SMG7: variants seen among roughly 807,000 people sequenced by gnomAD.
SMG7 encodes the protein SMG7 nonsense mediated mRNA decay factor.
A neutral mutation model predicts 148.2 loss-of-function variants in SMG7; 34 were observed. The ratio of observed to expected loss-of-function variants is 0.23; its 90% CI spans 0.17 to 0.31. SMG7 has a LOEUF of 0.31. Among genes scored for constraint, SMG7 ranks in the 10% least tolerant of loss-of-function variants. SMG7 has a pLI of 1.00. For missense variants in SMG7, 1,114 were observed against 1,408.4 expected, an observed-to-expected ratio of 0.79 and a Z score of 3.35; for synonymous variants, 492 against 515.1, an observed-to-expected ratio of 0.96 and a Z score of 0.61.
At position 183,550,786 on chromosome 1, in the gene SMG7, T is replaced by G. The variant is rs1470613020; in HGVS notation, c.3169T>G (p.Ser1057Ala). ...STPASQSPHSSNPSSLPSSPP... is the reference protein window; with the variant it reads ...STPASQSPHSANPSSLPSSPP... ...ACCAGCCAGCCAGTCTCCTCATTCC[T>G]CTAACCCAAGCAGCCTACCCAGCTC... The change falls in exon 21 of 23, where the codon TCT becomes GCT. Residue 1057 changes from serine to alanine, a missense_variant. Transcript: ENST00000688051. The G allele has an allele frequency of 6.2e-7, 1 of 1,614,132 alleles. No homozygotes were observed. Among genetic ancestry groups the G allele is most frequent in the East Asian group, 2.2e-5 (1 of 44,876 alleles).
intron 12 of SMG7, 98 bp from the exon 13 acceptor site, chr1:183,540,886 G>A: frequency 9.0e-7 from 1 of 1,109,852 alleles, no homozygotes; most frequent in Non-Finnish European, 1.3e-6. Flanking sequence ...TATGTGGGAA[G>A]TAATCTGAAG....
intron 4 of SMG7, among the ~76,000 whole-genome samples, chr1:183,524,673 T>A (rs1665465876): frequency 6.6e-6 from 1 of 152,206 alleles, no homozygotes; most frequent in Non-Finnish European, 1.5e-5. Context: ...ATATTTCTAA[T>A]TCTATAACCT....
rs1233422117 is a variant in SMG7, at chr1:183,542,925, ATATGTG to A, written c.1842+425_1842+430del. Among the ~76,000 whole-genome samples the A allele has an allele frequency of 6.4e-3, 901 of 141,618 alleles. 7 individuals carry two copies. Among genetic ancestry groups the A allele is most frequent in the African/African-American group, 0.023 (823 of 36,114 alleles). The allele number at this position is 141,618 out of a possible 152,430, so 92.9% of individuals were successfully genotyped here. On this transcript the variant is annotated intron_variant, in intron 14 of 22. Transcript: ENST00000688051. ...TTTTTAGATTCACTATAATATATAT[ATATGTG>A]TGTGTGTGTGTGTGTGTGTGTGTGT...
At chr1:183,492,441 A>G (rs548197714) in intron 1 of SMG7, among the ~76,000 whole-genome samples, 115 of 152,250 alleles carry the variant, frequency 7.6e-4, no homozygotes, top group African/African-American at 2.7e-3. Context: ...TGACTACTAT[A>G]CTGTCTTGAT....
At chr1:183,542,772 T>C (rs1205387347) in intron 14 of SMG7, among the ~76,000 whole-genome samples, 1 of 152,166 alleles carries the variant, frequency 6.6e-6, no homozygotes, top group African/African-American at 2.4e-5. Context: ...TGCAGAGTTG[T>C]CAGTTTCACA....
intron 1 of SMG7, among the ~76,000 whole-genome samples, chr1:183,509,859 G>A (rs1423033955): frequency 6.6e-6 from 1 of 152,116 alleles, no homozygotes; most frequent in Non-Finnish European, 1.5e-5. Flanking sequence ...AAATAACAGA[G>A]TAAAATTTTA....
At chr1:183,526,184 T>A (rs1665821261) in intron 4 of SMG7, among the ~76,000 whole-genome samples, 1 of 149,994 alleles carries the variant, frequency 6.7e-6, no homozygotes, top group Non-Finnish European at 1.5e-5. Context: ...AGTCTTGCTC[T>A]CTCACCCAGG....
intron 4 of SMG7, among the ~76,000 whole-genome samples, chr1:183,526,153 TATA>T (rs1254389396): frequency 7.8e-4 from 14 of 17,958 alleles, no homozygotes; most frequent in African/African-American, 1.5e-3. Context: ...TATATATATA[TATA>T]TTTTTTTTTT....
intron 1 of SMG7, chr1:183,502,271 A>T: frequency 6.5e-7 from 1 of 1,533,026 alleles, no homozygotes; most frequent in Middle Eastern, 1.7e-4. Flanking sequence ...AAACCATTCT[A>T]CCTTATGAGA....
At chr1:183,492,356 G>A (rs756665300) in intron 1 of SMG7, among the ~76,000 whole-genome samples, 6 of 152,110 alleles carry the variant, frequency 3.9e-5, no homozygotes, top group Admixed American at 1.3e-4. Context: ...ACACATACAC[G>A]TATACATAAA....
chr1:183,479,736 A>G (rs1224528606), intron 1 of SMG7, among the ~76,000 whole-genome samples: 2 of 152,224 alleles, frequency 1.3e-5, no homozygotes, highest in Non-Finnish European at 2.9e-5. Flanking sequence ...TTAAGTAGCT[A>G]TAATAGTAGG....
At chr1:183,515,812 A>AC (rs1663381353) in intron 2 of SMG7, 62 bp from the exon 3 acceptor site, 2 of 981,910 alleles carry the variant, frequency 2.0e-6, no homozygotes, top group Non-Finnish European at 3.2e-6. Context: ...CTGGTGTGGT[A>AC]TAATGGTTTT....
chr1:183,528,883 C>G lies in SMG7; in HGVS notation c.557-9C>G, dbSNP rs1299155625. On this transcript the variant is annotated splice_polypyrimidine_tract_variant and intron_variant, in intron 6 of 22. Transcript: ENST00000688051. ...GGGGTTACTCCAGAATCTTAACTTTCTCCTGTAGGTCAGCCTTATAATCAG... is the reference window on the plus strand; with the variant it reads ...GGGGTTACTCCAGAATCTTAACTTTGTCCTGTAGGTCAGCCTTATAATCAG... 5 of 1,606,542 alleles carry G rather than the reference C, an allele frequency of 3.1e-6. No homozygotes were observed. Among genetic ancestry groups the G allele is most frequent in the Non-Finnish European group, 4.2e-6 (5 of 1,176,484 alleles).
rs138777313 is a variant in SMG7 at position 183,517,759 on chromosome 1, G to A, written c.251G>A (p.Arg84Gln). 12 of 1,613,920 alleles carry A rather than the reference G, an allele frequency of 7.4e-6. No homozygotes were observed. The highest frequency in any genetic ancestry group is 1.0e-5 in the Non-Finnish European group (12 of 1,179,934). ...GQAKNRANPN[R>Q]SEVQANLSLF... ...GCAAAGAATCGAGCAAATCCGAATCGGAGTGAAGTTCAGGCAAACCTTTCT... is the reference window on the plus strand; with the variant it reads ...GCAAAGAATCGAGCAAATCCGAATCAGAGTGAAGTTCAGGCAAACCTTTCT... Residue 84 changes from arginine (R) to glutamine (Q), a missense_variant, in exon 4 of 23, where the codon CGG becomes CAG. By Grantham distance (43) the Arg-to-Gln change is conservative. Around this residue, in one of 4 missense-constraint regions of SMG7, gnomAD observed 216 missense variants for 329.1 expected, o/e 0.66. Coordinates refer to ENST00000688051, the MANE Select transcript of SMG7 (RefSeq NM_001375584.1).
Position 183,472,615 on chromosome 1 carries a change from C to A in SMG7, c.-6C>A, listed in dbSNP as rs899299416. 10 of 1,444,378 alleles carry A rather than the reference C, an allele frequency of 6.9e-6. No individual in the cohort carries two copies. The highest frequency in any genetic ancestry group is 1.5e-5 in the African/African-American group (1 of 68,896). The allele number at this position is 1,444,378 out of a possible 1,614,324, so 89.5% of individuals were successfully genotyped here. A position where few individuals can be genotyped will look rare whatever the true frequency, so the allele number is the denominator to read the frequency against. On this transcript the variant is annotated 5_prime_UTR_variant, in exon 1 of 23. Coordinates refer to ENST00000688051, the MANE Select transcript of SMG7 (RefSeq NM_001375584.1). Reference sequence around the variant, plus strand: ...TCGCGGGAAGACGCGGCGGCGGCGGCGGAGGATGAGCCTGCAGAGCGCGCA... The same window carrying A: ...TCGCGGGAAGACGCGGCGGCGGCGGAGGAGGATGAGCCTGCAGAGCGCGCA...
At chr1:183,512,203 G>A (rs789194) in intron 1 of SMG7, among the ~76,000 whole-genome samples, 2,173 of 152,146 alleles carry the variant, frequency 0.014, 54 homozygotes, top group African/African-American at 0.049. Context: ...CAAGGGAAGG[G>A]GTAAATCAAA....
chr1:183,550,286 A>T lies in SMG7; in HGVS notation c.3133+363A>T, dbSNP rs149398824. 9.6e-4 allele frequency among the ~76,000 whole-genome samples: 146 copies of T among 151,984 alleles called. 4 individuals carry two copies. The East Asian group carries it at 0.026, about 27-fold the overall frequency. ...TGTCTTGTGGTGTTGCCCACTCTAGACTCAAACTCCTGGGCTCAAGCAGTC... is the reference window on the plus strand; with the variant it reads ...TGTCTTGTGGTGTTGCCCACTCTAGTCTCAAACTCCTGGGCTCAAGCAGTC... On this transcript the variant is annotated intron_variant, in intron 20 of 22. Coordinates refer to ENST00000688051, the MANE Select transcript of SMG7 (RefSeq NM_001375584.1).
chr1:183,542,570 G>C, intron 14 of SMG7, 68 bp downstream of exon 14: 1 of 1,381,176 alleles, frequency 7.2e-7, no homozygotes, highest in Non-Finnish European at 9.9e-7. Flanking sequence ...TTTTCATTTT[G>C]TTCTAAAGCC....
chr1:183,548,286 C>T (rs1358780586), intron 18 of SMG7, among the ~76,000 whole-genome samples: 3 of 152,128 alleles, frequency 2.0e-5, no homozygotes, highest in African/African-American at 4.8e-5. Context: ...CATGGCTGAG[C>T]GCACAGGGAT....
Sources: gnomAD v4.1 joint callset for allele counts (sites outside exome capture counted in the v4.1 genomes callset) on GRCh38, gnomAD v4.1.1 for gene constraint, gnomAD v4.1.1 regional missense constraint, MANE v1.5 for transcripts, NCBI Gene and HGNC (gene_info 2026-07-23, HGNC 2026-07-21) for gene names.